PPP1R16B: variants seen among roughly 807,000 people sequenced by gnomAD.
PPP1R16B encodes the protein protein phosphatase 1 regulatory subunit 16B.
A neutral mutation model predicts 61.7 loss-of-function variants in PPP1R16B; 14 were observed. The observed-to-expected ratio is 0.23, with a 90% CI of 0.15 to 0.35. PPP1R16B has a LOEUF of 0.35. PPP1R16B is among the 10% of genes least tolerant of loss of function. The pLI is 1.00. For missense variants in PPP1R16B, 547 were observed against 752.5 expected (o/e 0.73, Z 3.19); for synonymous variants, 266 against 305.3 (o/e 0.87, Z 1.34).
intron 2 of PPP1R16B, among the ~76,000 whole-genome samples, chr20:38,885,036 C>CAAAAAAAAAA (rs71330453): frequency 5.9e-5 from 4 of 67,786 alleles, no homozygotes; most frequent in Non-Finnish European, 7.7e-5. Flanking sequence ...AACTCTGTCT[C>CAAAAAAAAAA]AAAAAAAAAA....
At position 38,906,097 on chromosome 20, in the gene PPP1R16B, A is replaced by G; in HGVS notation, c.822+3A>G. The stretch of plus-strand genomic sequence containing the variant: ...ATGCAGCTGCCTTCTGGGGACAGGT[A>G]GTTCTCACCCACAGGGCTGTGGGGG... On this transcript the variant is annotated splice_donor_region_variant and intron_variant, in intron 7 of 10. Coordinates refer to ENST00000299824, the MANE Select transcript of PPP1R16B (RefSeq NM_015568.4). 1 of 1,611,978 alleles carries G rather than the reference A, an allele frequency of 6.2e-7. No homozygotes were observed. Among genetic ancestry groups the G allele is most frequent in the Non-Finnish European group, 8.5e-7 (1 of 1,179,634 alleles).
chr20:38,837,253 G>T (rs1304012442), intron 2 of PPP1R16B, among the ~76,000 whole-genome samples: 1 of 152,124 alleles, frequency 6.6e-6, no homozygotes. Flanking sequence ...TGTAAAATGG[G>T]GCTAATAAGA....
rs80289362 is a variant in PPP1R16B, at chr20:38,904,689, C to T, written c.697-1280C>T. ...AAAAAAGCTTCAAGCAACCTTCTCC[C>T]AGGATGAGGTGGCATCTGACCATCA... On this transcript the variant is annotated intron_variant, in intron 6 of 10. Transcript: ENST00000299824. Among the ~76,000 whole-genome samples, 1,101 of 152,178 alleles carry T rather than the reference C, an allele frequency of 7.2e-3. 10 individuals carry two copies. Among genetic ancestry groups the T allele is most frequent in the African/African-American group, 0.02 (835 of 41,530 alleles).
chr20:38,915,983 G>C (rs577051244), intron 10 of PPP1R16B, among the ~76,000 whole-genome samples: 1 of 150,838 alleles, frequency 6.6e-6, no homozygotes, highest in Non-Finnish European at 1.5e-5. Context: ...ACACATCAAA[G>C]TTTGAGAAGC....
intron 2 of PPP1R16B, among the ~76,000 whole-genome samples, chr20:38,849,809 A>G (rs2084956428): frequency 6.6e-6 from 1 of 152,192 alleles, no homozygotes; most frequent in Non-Finnish European, 1.5e-5. Context: ...ATGAAACAGA[A>G]CATTACCAGC....
At chr20:38,903,227 A>G (rs1013051016) in intron 6 of PPP1R16B, among the ~76,000 whole-genome samples, 5 of 152,136 alleles carry the variant, frequency 3.3e-5, no homozygotes, top group African/African-American at 1.2e-4. Context: ...CCTGTTCACC[A>G]ACTGCTCTGT....
intron 2 of PPP1R16B, among the ~76,000 whole-genome samples, chr20:38,841,353 GAA>G (rs34203271): frequency 2.3e-5 from 1 of 42,598 alleles, no homozygotes; most frequent in Non-Finnish European, 4.8e-5. Context: ...TGTCTGTACT[GAA>G]AAAAAAAAAA....
At chr20:38,833,755 G>T (rs1000162109) in intron 1 of PPP1R16B, among the ~76,000 whole-genome samples, 1 of 152,286 alleles carries the variant, frequency 6.6e-6, no homozygotes, top group East Asian at 1.9e-4. Flanking sequence ...TTTGCCCTTT[G>T]GGCATTGCCA....
chr20:38,881,394 G>A (rs2085202429), intron 2 of PPP1R16B, among the ~76,000 whole-genome samples: 4 of 152,256 alleles, frequency 2.6e-5, no homozygotes, highest in Admixed American at 6.5e-5. Flanking sequence ...CTCTGAGAGT[G>A]CTGGCCCTTT....
chr20:38,876,716 G>A (rs2085170367), intron 2 of PPP1R16B, among the ~76,000 whole-genome samples: 1 of 152,072 alleles, frequency 6.6e-6, no homozygotes, highest in Non-Finnish European at 1.5e-5. Context: ...TCCTTCATGG[G>A]GTCAGCCAGG....
intron 2 of PPP1R16B, among the ~76,000 whole-genome samples, chr20:38,851,742 T>A (rs1375550782): frequency 6.6e-6 from 1 of 152,122 alleles, no homozygotes; most frequent in Non-Finnish European, 1.5e-5. Context: ...AAGGCCTTGC[T>A]GGGCATGGTG....
intron 1 of PPP1R16B, among the ~76,000 whole-genome samples, chr20:38,833,760 T>C (rs142986245): frequency 2.1e-3 from 313 of 152,340 alleles, no homozygotes; most frequent in Middle Eastern, 0.014. Flanking sequence ...CCTTTGGGCA[T>C]TGCCAAGCCA....
chr20:38,858,892 C>T (rs62202526), intron 2 of PPP1R16B, among the ~76,000 whole-genome samples: 7,112 of 152,290 alleles, frequency 0.047, 432 homozygotes, highest in African/African-American at 0.14. Context: ...TGCTCCACAA[C>T]GTCCAGAGCC....
chr20:38,889,530 G>A (rs2085275494), intron 2 of PPP1R16B, 65 bp from the exon 3 acceptor site: 1 of 1,413,654 alleles, frequency 7.1e-7, no homozygotes, highest in South Asian at 1.2e-5. Context: ...GTCTTACCCG[G>A]GCCCCTGCAT....
At chr20:38,896,171 C>CCT in intron 4 of PPP1R16B, among the ~76,000 whole-genome samples, 1 of 92,684 alleles carries the variant, frequency 1.1e-5, no homozygotes. Flanking sequence ...CCCTTCCTTC[C>CCT]TTCTTTCTTC....
At chr20:38,863,012 A>G (rs976986189) in intron 2 of PPP1R16B, among the ~76,000 whole-genome samples, 1 of 152,124 alleles carries the variant, frequency 6.6e-6, no homozygotes, top group African/African-American at 2.4e-5. Flanking sequence ...TGGTCCCCCT[A>G]CTTAGTTCCC....
intron 1 of PPP1R16B, 111 bp from the exon 2 acceptor site, chr20:38,835,714 A>T: frequency 1.7e-6 from 1 of 577,840 alleles, no homozygotes. Flanking sequence ...CTTGAGGAGC[A>T]ATGGAAGGAA....
chr20:38,895,085 C>T (rs139204910), intron 3 of PPP1R16B, among the ~76,000 whole-genome samples: 3 of 152,272 alleles, frequency 2.0e-5, no homozygotes, highest in South Asian at 2.1e-4. Context: ...ATCTTGAAAC[C>T]GCTTTGGAGG....
chr20:38,872,090 T>C (rs1292151762), intron 2 of PPP1R16B, among the ~76,000 whole-genome samples: 1 of 152,140 alleles, frequency 6.6e-6, no homozygotes, highest in Non-Finnish European at 1.5e-5. Context: ...CCGTGGAGGG[T>C]GGCAGGCACT....
Sources: allele counts gnomAD v4.1 joint callset (sites outside exome capture counted in the v4.1 genomes callset), GRCh38; gene constraint gnomAD v4.1.1; transcripts MANE v1.5; gene names NCBI Gene and HGNC (gene_info 2026-07-23, HGNC 2026-07-21).